Variants in NIPBL observed in about 807,000 individuals in gnomAD.
NIPBL encodes the protein NIPBL cohesin loading factor.
NIPBL carries 19 observed loss-of-function variants against 321.8 expected under a neutral mutation model. The ratio of observed to expected loss-of-function variants is 0.06; its 90% CI spans 0.04 to 0.09. NIPBL has a LOEUF of 0.09. Among genes scored for constraint, NIPBL ranks in the 10% least tolerant of loss-of-function variants. The pLI is 1.00. For synonymous variants in NIPBL, 1,106 were observed against 1,114.1 expected (o/e 0.99, Z 0.14); for missense variants, 2,210 against 3,327.0 (o/e 0.66, Z 8.26).
chr5:36,891,591 C>T (rs551142764), intron 1 of NIPBL, among the ~76,000 whole-genome samples: 30 of 152,098 alleles, frequency 2.0e-4, no homozygotes, highest in African/African-American at 7.0e-4. Flanking sequence ...AGAACATAGG[C>T]TGGAAAAGGG....
chr5:37,032,432 T>TGTGTA (rs1554028403), intron 32 of NIPBL, among the ~76,000 whole-genome samples: 29 of 138,916 alleles, frequency 2.1e-4, no homozygotes, highest in South Asian at 9.2e-4. Flanking sequence ...TGTGTGTGTG[T>TGTGTA]GTGTGTAGTG....
At chr5:37,010,043 A>T (rs1317329337) in intron 20 of NIPBL, 44 bp from the exon 21 acceptor site, 1 of 1,440,484 alleles carries the variant, frequency 6.9e-7, no homozygotes, top group Non-Finnish European at 9.8e-7. Flanking sequence ...CATTTAAATG[A>T]GATTATCTTG....
chr5:36,935,352 A>G (rs1462474515), intron 1 of NIPBL, among the ~76,000 whole-genome samples: 1 of 152,064 alleles, frequency 6.6e-6, no homozygotes, highest in Non-Finnish European at 1.5e-5. Flanking sequence ...TTGTCCTCCT[A>G]TTCTTTGTTA....
At chr5:36,926,180 A>C (rs1466591006) in intron 1 of NIPBL, among the ~76,000 whole-genome samples, 1 of 152,224 alleles carries the variant, frequency 6.6e-6, no homozygotes, top group Non-Finnish European at 1.5e-5. Context: ...AGTTTGATTT[A>C]AAAACAAAAC....
intron 9 of NIPBL, among the ~76,000 whole-genome samples, chr5:36,977,709 A>G (rs985609680): frequency 4.0e-5 from 6 of 151,604 alleles, no homozygotes; most frequent in African/African-American, 1.5e-4. Flanking sequence ...CGTCACCCAA[A>G]TAGTGATCAT....
intron 34 of NIPBL, among the ~76,000 whole-genome samples, chr5:37,040,514 T>C (rs1160094292): frequency 2.0e-5 from 3 of 152,258 alleles, no homozygotes; most frequent in Admixed American, 2.0e-4. Context: ...AATCTCACAT[T>C]ACCTGGTATA....
At chr5:36,885,307 C>A in intron 1 of NIPBL, 2 of 494,630 alleles carry the variant, frequency 4.0e-6, no homozygotes, top group South Asian at 1.6e-5. Flanking sequence ...GTGCAGCCAG[C>A]GTCTATGCAG....
At chr5:36,947,683 AT>A (rs1025879511) in intron 1 of NIPBL, among the ~76,000 whole-genome samples, 2 of 151,926 alleles carry the variant, frequency 1.3e-5, no homozygotes, top group Non-Finnish European at 2.9e-5. Context: ...AGACTTACTA[AT>A]TTTTTTATTT....
intron 2 of NIPBL, among the ~76,000 whole-genome samples, chr5:36,954,027 A>G (rs554377083): frequency 1.3e-5 from 2 of 152,352 alleles, no homozygotes; most frequent in East Asian, 3.9e-4. Context: ...AGAATTTTAA[A>G]GAACATTGCC....
intron 1 of NIPBL, among the ~76,000 whole-genome samples, chr5:36,923,730 T>A (rs2149562134): frequency 6.6e-6 from 1 of 152,328 alleles, no homozygotes; most frequent in Admixed American, 6.5e-5. Flanking sequence ...AACTGATTGA[T>A]ATAAATGAGA....
intron 1 of NIPBL, among the ~76,000 whole-genome samples, chr5:36,892,614 A>C (rs1746426406): frequency 6.6e-6 from 1 of 152,238 alleles, no homozygotes; most frequent in Non-Finnish European, 1.5e-5. Context: ...AGCCATAAAA[A>C]AGGATGAGTT....
chr5:36,968,095 C>G lies in NIPBL; in HGVS notation c.611-2781C>G, dbSNP rs75868734. On this transcript the variant is annotated intron_variant, in intron 6 of 46. Transcript: ENST00000282516. ...TGGACAACAGAGTGAGACTCTGTCT[C>G]AAAAAAAAAAAAAAAACAAAAAACA... Among the ~76,000 whole-genome samples, 10 of 54,178 alleles carry G rather than the reference C, an allele frequency of 1.8e-4. No individual in the cohort carries two copies. In the East Asian group the frequency reaches 4.3e-3, roughly 23 times the overall value. 35.5% of individuals were successfully genotyped at this position (54,178 alleles called of 152,430 possible).
At position 36,984,794 on chromosome 5, in the gene NIPBL, A is replaced by G. The variant is rs372732709; in HGVS notation, c.1614A>G (p.Ala538=). ...CTACGGGAAATGGGTCAAGGCCAGC[A>G]TTAATGGTTAGCATTGATCTTCATC... The part of the protein sequence containing the change: ...TGSTGNGSRP[A]LMVSIDLHQA... The change falls in exon 10 of 47, where the codon GCA becomes GCG. Residue 538 remains alanine (A), a synonymous_variant. Coordinates refer to ENST00000282516, the MANE Select transcript of NIPBL (RefSeq NM_133433.4). 1.1e-5 allele frequency: 17 copies of G among 1,613,776 alleles called. No homozygotes were observed. Among genetic ancestry groups the G allele is most frequent in the African/African-American group, 9.3e-5 (7 of 74,898 alleles).
rs1347733454 is a variant in NIPBL at position 36,876,993 on chromosome 5, AAGGAGG to A, written c.-254_-249del. ...GTTTGTGAGTGTTTCTATGTGGGAGAAGGAGGAGGAGGAGGAAGAAGAAGCAACGAT... is the reference window on the plus strand; with the variant it reads ...GTTTGTGAGTGTTTCTATGTGGGAGAAGGAGGAGGAAGAAGAAGCAACGAT... On this transcript the variant is annotated 5_prime_UTR_variant, in exon 1 of 47. Transcript: ENST00000282516. 17 of 383,746 alleles carry A rather than the reference AAGGAGG, an allele frequency of 4.4e-5. No homozygotes were observed. The highest frequency in any genetic ancestry group is 1.1e-4 in the African/African-American group (5 of 47,292). 23.8% of individuals were successfully genotyped at this position (383,746 alleles called of 1,614,324 possible). A position where few individuals can be genotyped will look rare whatever the true frequency, so the allele number is the denominator to read the frequency against.
chr5:37,022,221 T>A, intron 28 of NIPBL, 23 bp from the exon 29 acceptor site: 1 of 1,613,868 alleles, frequency 6.2e-7, no homozygotes, highest in Non-Finnish European at 8.5e-7. Flanking sequence ...ATAAATTGTT[T>A]TTTTCTCTTC....
intron 3 of NIPBL, 104 bp from the exon 4 acceptor site, chr5:36,958,000 A>T (rs1254758893): frequency 1.9e-6 from 2 of 1,058,768 alleles, no homozygotes; most frequent in Middle Eastern, 2.7e-4. Flanking sequence ...AAAAAAAAAA[A>T]ATTCATATTG....
intron 1 of NIPBL, among the ~76,000 whole-genome samples, chr5:36,886,672 A>G (rs1745931107): frequency 6.6e-6 from 1 of 151,860 alleles, no homozygotes; most frequent in South Asian, 2.1e-4. Flanking sequence ...TTGGGTGTGC[A>G]GTTTGATGAG....
chr5:37,007,441 G>A lies in NIPBL; in HGVS notation c.4206G>A (p.Glu1402=), dbSNP rs751416634. The part of the protein sequence containing the change: ...DIVSSLSELL[E]IQLLTDTTIL... ...TTAGCAGCTTATCAGAATTGCTAGA[G>A]ATACAACTTCTTACAGACACAACAA... is the stretch of plus-strand genomic sequence containing the variant. Residue 1402 remains glutamate, a synonymous_variant, in exon 18 of 47, where the codon GAG becomes GAA. Coordinates refer to ENST00000282516, the MANE Select transcript of NIPBL (RefSeq NM_133433.4). 1 of 1,611,482 alleles carries A rather than the reference G, an allele frequency of 6.2e-7. No individual in the cohort carries two copies. Among genetic ancestry groups the A allele is most frequent in the Non-Finnish European group, 8.5e-7 (1 of 1,178,198 alleles).
chr5:37,029,533 G>A lies in NIPBL; in HGVS notation c.5862+2121G>A, dbSNP rs563849575. The stretch of plus-strand genomic sequence containing the variant: ...GAATAATGCTTCTGTGAATATTGGT[G>A]TGTAAGGTTTTGTGTAGATGTATGT... On this transcript the variant is annotated intron_variant, in intron 32 of 46. Coordinates refer to ENST00000282516, the MANE Select transcript of NIPBL (RefSeq NM_133433.4). Among the ~76,000 whole-genome samples the A allele has an allele frequency of 4.9e-3, 749 of 152,272 alleles. 2 individuals are homozygous for A. The highest frequency in any genetic ancestry group is 8.5e-3 in the Non-Finnish European group (576 of 68,004).
Sources: allele counts gnomAD v4.1 joint callset (sites outside exome capture counted in the v4.1 genomes callset), GRCh38; gene constraint gnomAD v4.1.1; transcripts MANE v1.5; gene names NCBI Gene and HGNC (gene_info 2026-07-23, HGNC 2026-07-21).